The following THSD7B variants were observed in gnomAD, a reference collection of about 807,000 sequenced individuals.
THSD7B encodes the protein thrombospondin type 1 domain containing 7B, also known as thrombospondin type-1 domain-containing protein 7B.
THSD7B carries 138 observed loss-of-function variants against 213.6 expected under a neutral mutation model. That is an observed-to-expected ratio of 0.65 (90% CI 0.56 to 0.74). THSD7B has a LOEUF of 0.74. THSD7B is among the 30% of genes least tolerant of loss of function. The probability of loss-of-function intolerance (pLI) is 0.00; values close to 1 mark genes in which losing one functional copy is unlikely to be tolerated. For synonymous variants in THSD7B, 742 were observed against 687.0 expected (o/e 1.08, Z -1.25); for missense variants, 1,931 against 1,991.5 (o/e 0.97, Z 0.58).
chr2:137,332,070 G>C (rs1486421154), intron 12 of THSD7B, among the ~76,000 whole-genome samples: 1 of 152,178 alleles, frequency 6.6e-6, no homozygotes, highest in South Asian at 2.1e-4. Flanking sequence ...GCAGCAGTGG[G>C]CTGAAGGGCT....
intron 16 of THSD7B, among the ~76,000 whole-genome samples, chr2:137,568,438 TTAAATCATATGTGAAATAGATAATCCTA>T (rs1681285443): frequency 1.3e-5 from 2 of 152,186 alleles, no homozygotes; most frequent in African/African-American, 4.8e-5. Flanking sequence ...AAGCCTCTTA[TTAAATCATATGTGAAATAGATAATCCTA>T]ACAGCCAGTG....
chr2:136,860,423 T>G (rs1488543572), intron 1 of THSD7B, among the ~76,000 whole-genome samples: 1 of 152,200 alleles, frequency 6.6e-6, no homozygotes, highest in Non-Finnish European at 1.5e-5. Flanking sequence ...TATTTCTCCT[T>G]GGATGAATAA....
rs77050563 is a variant in THSD7B, at chr2:137,048,733, T to G, written c.140-7687T>G. Among the ~76,000 whole-genome samples the G allele has an allele frequency of 3.4e-3, 523 of 152,354 alleles. 8 individuals are homozygous for G. The East Asian group carries it at 0.043, about 12-fold the overall frequency. ...AAAGCCTCCTTTATCAAGTTCAGCATGTATTGATCATTCACTGGGTAAACA... is the reference window on the plus strand; with the variant it reads ...AAAGCCTCCTTTATCAAGTTCAGCAGGTATTGATCATTCACTGGGTAAACA... On this transcript the variant is annotated intron_variant, in intron 2 of 27. Coordinates refer to ENST00000409968, the MANE Select transcript of THSD7B (RefSeq NM_001316349.2).
intron 12 of THSD7B, among the ~76,000 whole-genome samples, chr2:137,347,589 A>G (rs1160179541): frequency 3.5e-4 from 52 of 147,542 alleles, no homozygotes; most frequent in African/African-American, 1.3e-3. Flanking sequence ...TAACAAGAGG[A>G]GAAGCAGTAG....
Position 137,663,528 on chromosome 2 carries a change from A to G in THSD7B, c.4604A>G (p.Lys1535Arg), listed in dbSNP as rs763046799. 3.7e-6 allele frequency: 6 copies of G among 1,609,168 alleles called. No individual in the cohort carries two copies. Among genetic ancestry groups the G allele is most frequent in the Non-Finnish European group, 5.1e-6 (6 of 1,177,588 alleles). Reference sequence around the variant, plus strand: ...GGGAAAAACAGACCTGTGAATTCAAAAATACATGATATTTTTAAAGGATGG... The same window carrying G: ...GGGAAAAACAGACCTGTGAATTCAAGAATACATGATATTTTTAAAGGATGG... The part of the protein sequence containing the change: ...LSGKNRPVNS[K>R]IHDIFKGWSL... Residue 1535 changes from lysine to arginine, a missense_variant, in exon 26 of 28, where the codon AAA (lysine) becomes AGA (arginine). By Grantham distance (26) the Lys-to-Arg change is conservative. Transcript: ENST00000409968.
chr2:137,242,561 T>G lies in THSD7B; in HGVS notation c.2255T>G (p.Met752Arg). 1 of 1,613,452 alleles carries G rather than the reference T, an allele frequency of 6.2e-7. No individual in the cohort carries two copies. Among genetic ancestry groups the G allele is most frequent in the South Asian group, 1.1e-5 (1 of 91,060 alleles). The change falls in exon 10 of 28, where the codon ATG becomes AGG. Residue 752 changes from methionine (M) to arginine (R), a missense_variant. Met to Arg is a moderately conservative substitution (Grantham distance 91, BLOSUM62 -1). Transcript: ENST00000409968. ...AGTGAGTGGACACCCTGCCCAAGGA[T>G]GTGCCAAGCAGGTAGGTGGATGCTG... Reference protein sequence around the residue: ...AFSEWTPCPRMCQAGNATVKQ... With the variant: ...AFSEWTPCPRRCQAGNATVKQ...
intron 5 of THSD7B, among the ~76,000 whole-genome samples, chr2:137,116,833 G>A (rs940689467): frequency 6.6e-6 from 1 of 152,148 alleles, no homozygotes; most frequent in African/African-American, 2.4e-5. Flanking sequence ...GGTGTTAATT[G>A]CAGAGTGAGC....
intron 15 of THSD7B, among the ~76,000 whole-genome samples, chr2:137,466,830 G>A (rs868307595): frequency 2.4e-4 from 37 of 152,056 alleles, no homozygotes; most frequent in African/African-American, 8.5e-4. Context: ...TTGGCTCTGT[G>A]GCTCAGCAAT....
chr2:136,825,718 A>ATTTTTTTTTTTTTTTTTTTTTTTTTTT (rs55814718), intron 1 of THSD7B, among the ~76,000 whole-genome samples: 34 of 116,880 alleles, frequency 2.9e-4, no homozygotes, highest in African/African-American at 9.7e-4. Flanking sequence ...TGCCTGGCTA[A>ATTTTTTTTTTTTTTTTTTTTTTTTTTT]TTTTTTTTTT....
chr2:137,422,039 T>C (rs1422947850), intron 14 of THSD7B, among the ~76,000 whole-genome samples: 2 of 152,206 alleles, frequency 1.3e-5, no homozygotes, highest in Non-Finnish European at 2.9e-5. Flanking sequence ...AGTCATGTTT[T>C]TGAAACTAAA....
chr2:137,170,785 C>G lies in THSD7B; in HGVS notation c.1570C>G (p.Pro524Ala), dbSNP rs769746549. Residue 524 changes from proline to alanine, a missense_variant, in exon 7 of 28, where the codon CCT (proline) becomes GCT (alanine). By Grantham distance (27) the Pro-to-Ala change is conservative. Transcript: ENST00000409968. The stretch of plus-strand genomic sequence containing the variant: ...CCATGTCCTCATGGAATCTACAGGG[C>G]CTGCAGGGCATTGCCCTCATTTGGT... ...QRHVLMESTG[P>A]AGHCPHLVES... 1 of 1,613,646 alleles carries G rather than the reference C, an allele frequency of 6.2e-7. No individual in the cohort carries two copies. The highest frequency in any genetic ancestry group is 8.5e-7 in the Non-Finnish European group (1 of 1,179,714).
rs1245071260 is a variant in THSD7B at position 137,275,970 on chromosome 2, T to A, written c.2444T>A (p.Val815Asp). The A allele has an allele frequency of 6.2e-7, 1 of 1,612,364 alleles. No homozygotes were observed. Among genetic ancestry groups the A allele is most frequent in the South Asian group, 1.1e-5 (1 of 91,024 alleles). The change falls in exon 12 of 28, where the codon GTC (valine) becomes GAC (aspartate). Residue 815 changes from valine to aspartate, a missense_variant. By Grantham distance (152) the Val-to-Asp change is radical (BLOSUM62 -3). Coordinates refer to ENST00000409968, the MANE Select transcript of THSD7B (RefSeq NM_001316349.2). Reference sequence around the variant, plus strand: ...CCTTGCATCTTAGTGCCAGAGTCTGTCTGGCAGGGAATAACGGGCAGCAGT... The same window carrying A: ...CCTTGCATCTTAGTGCCAGAGTCTGACTGGCAGGGAATAACGGGCAGCAGT... ...WSPCILVPES[V>D]WQGITGSSEA...
At chr2:137,380,498 G>A (rs936396896) in intron 12 of THSD7B, among the ~76,000 whole-genome samples, 4 of 152,128 alleles carry the variant, frequency 2.6e-5, no homozygotes, top group Non-Finnish European at 4.4e-5. Flanking sequence ...CAATTGAACT[G>A]CAATAGTTGG....
chr2:137,057,075 T>G lies in THSD7B; in HGVS notation c.795T>G (p.Thr265=). Residue 265 remains threonine (T), a synonymous_variant, in exon 3 of 28, where the codon ACT becomes ACG. Coordinates refer to ENST00000409968, the MANE Select transcript of THSD7B (RefSeq NM_001316349.2). ...HLKEINPSGR[T]VLDFNSDSNE... Reference sequence around the variant, plus strand: ...AAGAAATTAATCCAAGCGGAAGAACTGTTCTGGATTTTAACTCTGATTCAA... The same window carrying G: ...AAGAAATTAATCCAAGCGGAAGAACGGTTCTGGATTTTAACTCTGATTCAA... The G allele has an allele frequency of 6.2e-7, 1 of 1,613,968 alleles. No homozygotes were observed. Among genetic ancestry groups the G allele is most frequent in the Non-Finnish European group, 8.5e-7 (1 of 1,179,890 alleles).
intron 14 of THSD7B, among the ~76,000 whole-genome samples, chr2:137,443,103 C>G (rs112480075): frequency 0.017 from 2,568 of 152,232 alleles, 66 homozygotes; most frequent in African/African-American, 0.059. Flanking sequence ...TGTCTAGTCT[C>G]CTTTGTCTCT....
chr2:137,173,605 G>T (rs186857322), intron 7 of THSD7B, among the ~76,000 whole-genome samples: 2 of 152,174 alleles, frequency 1.3e-5, no homozygotes, highest in Non-Finnish European at 1.5e-5. Flanking sequence ...TATCAGCTCC[G>T]TGAAGTCTTT....
At chr2:137,066,406 C>T (rs1392354406) in intron 3 of THSD7B, among the ~76,000 whole-genome samples, 4 of 152,044 alleles carry the variant, frequency 2.6e-5, no homozygotes, top group Non-Finnish European at 4.4e-5. Context: ...GTTGGTCAGG[C>T]TGGTCTTGAA....
rs1558969561 is a variant in THSD7B, at chr2:137,238,563, T to TC, written c.2151-3894_2151-3893insC. Among the ~76,000 whole-genome samples the TC allele has an allele frequency of 1.6e-4, 17 of 109,438 alleles. 1 individual carries two copies. The highest frequency in any genetic ancestry group is 3.8e-4 in the Admixed American group (4 of 10,594). 71.8% of individuals were successfully genotyped at this position (109,438 alleles called of 152,430 possible). A position where few individuals can be genotyped will look rare whatever the true frequency, so the allele number is the denominator to read the frequency against. On this transcript the variant is annotated intron_variant, in intron 9 of 27. Transcript: ENST00000409968. ...TTTTTTTTTTTTTTTTTTTTTTTTTTTGAGACGGAGTCTCGCTCTGTCGCC... is the reference window on the plus strand; with the variant it reads ...TTTTTTTTTTTTTTTTTTTTTTTTTTCTGAGACGGAGTCTCGCTCTGTCGCC...
chr2:136,785,372 C>G (rs1049701066), intron 1 of THSD7B, among the ~76,000 whole-genome samples: 9 of 152,150 alleles, frequency 5.9e-5, no homozygotes, highest in African/African-American at 2.2e-4. Flanking sequence ...TGTAGCCCCT[C>G]TGCCTGGCCC....
Sources: gnomAD v4.1 joint callset for allele counts (sites outside exome capture counted in the v4.1 genomes callset) on GRCh38, gnomAD v4.1.1 for gene constraint, MANE v1.5 for transcripts, NCBI Gene and HGNC (gene_info 2026-07-23, HGNC 2026-07-21) for gene names.